The following DMRT1 variants were observed in gnomAD, a reference collection of about 807,000 sequenced individuals.
The protein encoded by DMRT1 is doublesex- and mab-3-related transcription factor 1.
Under a neutral mutation model 32.3 loss-of-function variants are expected in DMRT1, and 7 were observed. The observed-to-expected ratio is 0.22, with a 90% CI of 0.12 to 0.41. The LOEUF (loss-of-function observed/expected upper bound fraction) is 0.41. Ranked by LOEUF, DMRT1 falls within the 10% of genes least tolerant of loss-of-function variation. DMRT1 has a pLI of 1.00. For missense variants in DMRT1, 625 were observed against 500.5 expected (o/e 1.25, Z -2.37); for synonymous variants, 278 against 206.1 (o/e 1.35, Z -2.99).
In DMRT1 at chr9:883,559, A is replaced by G. The variant is rs185065603; in HGVS notation, c.539-10353A>G. On this transcript the variant is annotated intron_variant, in intron 2 of 4. Coordinates refer to ENST00000382276, the MANE Select transcript of DMRT1 (RefSeq NM_021951.3). ...GTAATTCCAGCACTTTGGGAGGCTG[A>G]GGTGGGAGGATCACTGGAGACCAGA... Among the ~76,000 whole-genome samples the G allele has an allele frequency of 4.0e-3, 597 of 150,946 alleles. 3 individuals are homozygous for G. Among genetic ancestry groups the G allele is most frequent in the African/African-American group, 0.014 (580 of 41,034 alleles).
At chr9:847,493 G>C (rs575292848) in intron 2 of DMRT1, among the ~76,000 whole-genome samples, 58 of 152,168 alleles carry the variant, frequency 3.8e-4, no homozygotes, top group Non-Finnish European at 7.6e-4. Context: ...AGAACTAGAA[G>C]TCCACTTCTC....
At chr9:939,250 A>C (rs756651196) in intron 4 of DMRT1, among the ~76,000 whole-genome samples, 1 of 152,194 alleles carries the variant, frequency 6.6e-6, no homozygotes, top group African/African-American at 2.4e-5. Flanking sequence ...TCTAGAGACC[A>C]CTTACCAGGC....
intron 4 of DMRT1, among the ~76,000 whole-genome samples, chr9:964,207 T>A (rs940591917): frequency 1.3e-5 from 2 of 152,240 alleles, no homozygotes; most frequent in East Asian, 1.9e-4. Flanking sequence ...GTTTTTTTTT[T>A]AAGAAGGTTT....
chr9:919,112 A>G (rs1275970130), intron 4 of DMRT1, among the ~76,000 whole-genome samples: 1 of 152,150 alleles, frequency 6.6e-6, no homozygotes, highest in African/African-American at 2.4e-5. Context: ...GTTGGCTCAT[A>G]ACCAGTTACA....
intron 2 of DMRT1, among the ~76,000 whole-genome samples, chr9:892,188 C>T (rs1044197545): frequency 4.6e-5 from 7 of 152,216 alleles, no homozygotes; most frequent in African/African-American, 1.7e-4. Flanking sequence ...CAGTTGACAC[C>T]ACAGCCTGCT....
intron 4 of DMRT1, among the ~76,000 whole-genome samples, chr9:948,225 C>T (rs1287551351): frequency 6.6e-6 from 1 of 152,186 alleles, no homozygotes; most frequent in East Asian, 1.9e-4. Context: ...CCCCGGCCTG[C>T]TCAGGCCCGC....
In DMRT1 at chr9:929,978, G is replaced by A. The variant is rs138930845; in HGVS notation, c.967+13071G>A. On this transcript the variant is annotated intron_variant, in intron 4 of 4. Coordinates refer to ENST00000382276, the MANE Select transcript of DMRT1 (RefSeq NM_021951.3). The stretch of plus-strand genomic sequence containing the variant: ...CTTCCTGTCTGCAGAACAGCCTTGC[G>A]TCTGAGCTTCTGTATGCTGTGGAAT... 6.4e-4 allele frequency among the ~76,000 whole-genome samples: 97 copies of A among 152,228 alleles called. No individual in the cohort carries two copies. The East Asian group carries it at 0.016, about 25-fold the overall frequency.
Position 938,765 on chromosome 9 carries a change from C to T in DMRT1, c.967+21858C>T, listed in dbSNP as rs546862886. 3.9e-3 allele frequency among the ~76,000 whole-genome samples: 588 copies of T among 152,264 alleles called. 3 individuals are homozygous for T. Among genetic ancestry groups the T allele is most frequent in the African/African-American group, 0.013 (559 of 41,552 alleles). On this transcript the variant is annotated intron_variant, in intron 4 of 4. Transcript: ENST00000382276. ...GTCTATTTGCTCTGACTAGAATTTA[C>T]AGTATTGTATTGAACAGAGGTGGCA... is the stretch of plus-strand genomic sequence containing the variant.
chr9:961,385 A>G (rs967918139), intron 4 of DMRT1, among the ~76,000 whole-genome samples: 1 of 152,236 alleles, frequency 6.6e-6, no homozygotes. Context: ...TGTACTTCCC[A>G]GAGTTCCCAA....
At chr9:866,301 T>C (rs1815987182) in intron 2 of DMRT1, among the ~76,000 whole-genome samples, 3 of 151,810 alleles carry the variant, frequency 2.0e-5, no homozygotes, top group Admixed American at 6.6e-5. Flanking sequence ...CGTCAGGACA[T>C]TGCATATCAG....
chr9:880,264 T>C (rs1352962866), intron 2 of DMRT1, among the ~76,000 whole-genome samples: 1 of 152,212 alleles, frequency 6.6e-6, no homozygotes, highest in East Asian at 1.9e-4. Context: ...GTCCTTCCCA[T>C]TGAGTCACAC....
chr9:844,796 C>T (rs577732222), intron 1 of DMRT1, among the ~76,000 whole-genome samples: 6 of 150,058 alleles, frequency 4.0e-5, no homozygotes, highest in African/African-American at 7.4e-5. Context: ...TTTCAGCTCA[C>T]GGCAACCTCC....
chr9:932,166 AATTTC>A (rs898135290), intron 4 of DMRT1, among the ~76,000 whole-genome samples: 5 of 152,132 alleles, frequency 3.3e-5, no homozygotes, highest in South Asian at 2.1e-4. Context: ...AACTCCCTAG[AATTTC>A]ATTTCATTTC....
chr9:930,316 C>G (rs1818669106), intron 4 of DMRT1, among the ~76,000 whole-genome samples: 1 of 138,832 alleles, frequency 7.2e-6, no homozygotes, highest in Non-Finnish European at 1.5e-5. Context: ...CTCAAGTCAT[C>G]TGAATTCCTT....
chr9:878,200 G>GCCCCCCCCCCCCCCCCCC (rs34336062), intron 2 of DMRT1, among the ~76,000 whole-genome samples: 1 of 94,040 alleles, frequency 1.1e-5, no homozygotes, highest in Non-Finnish European at 2.0e-5. Context: ...TGCAGCTGCT[G>GCCCCCCCCCCCCCCCCCC]CCCCCCCCCC....
intron 3 of DMRT1, among the ~76,000 whole-genome samples, chr9:901,103 C>G (rs1339121403): frequency 4.6e-5 from 7 of 152,102 alleles, no homozygotes; most frequent in Non-Finnish European, 2.9e-5. Context: ...TAGCCTCCAC[C>G]TCCTGGACTT....
At chr9:921,026 TCCACC>T (rs1818335853) in intron 4 of DMRT1, among the ~76,000 whole-genome samples, 1 of 152,208 alleles carries the variant, frequency 6.6e-6, no homozygotes, top group Non-Finnish European at 1.5e-5. Context: ...TGAGGTAGAA[TCCACC>T]TAACATTAAC....
chr9:953,653 C>T (rs1037364249), intron 4 of DMRT1, among the ~76,000 whole-genome samples: 6 of 152,328 alleles, frequency 3.9e-5, no homozygotes, highest in East Asian at 1.9e-4. Context: ...TAGTTTTCCT[C>T]GCCCCTTCCT....
chr9:875,976 G>A (rs534377353), intron 2 of DMRT1, among the ~76,000 whole-genome samples: 15 of 152,260 alleles, frequency 9.9e-5, no homozygotes, highest in African/African-American at 3.1e-4. Flanking sequence ...TGTGTCACCT[G>A]CCTGGCTGGG....
Sources: allele counts gnomAD v4.1 joint callset (sites outside exome capture counted in the v4.1 genomes callset), GRCh38; gene constraint gnomAD v4.1.1; transcripts MANE v1.5; gene names NCBI Gene and HGNC (gene_info 2026-07-23, HGNC 2026-07-21).